The following COL24A1 variants were observed in gnomAD, a reference collection of about 807,000 sequenced individuals.
COL24A1 encodes collagen type XXIV alpha 1 chain, also known as collagen alpha-1(XXIV) chain.
A neutral mutation model predicts 253.9 loss-of-function variants in COL24A1; 224 were observed. That is an observed-to-expected ratio of 0.88 (90% CI 0.79 to 0.99). The LOEUF is 0.99. Ranked by LOEUF, COL24A1 falls within the 50% of genes least tolerant of loss-of-function variation. COL24A1 has a pLI of 0.00. For missense variants in COL24A1, 2,131 were observed against 2,068.5 expected (o/e 1.03, Z -0.59); for synonymous variants, 685 against 673.7 (o/e 1.02, Z -0.26).
At chr1:86,050,855 G>A (rs752081568) in intron 10 of COL24A1, among the ~76,000 whole-genome samples, 8 of 152,084 alleles carry the variant, frequency 5.3e-5, no homozygotes, top group Non-Finnish European at 1.2e-4. Flanking sequence ...TTATTCTAAT[G>A]TAACTTAGTT....
chr1:86,041,323 G>T (rs72958291), intron 12 of COL24A1, among the ~76,000 whole-genome samples: 14,467 of 152,076 alleles, frequency 0.095, 786 homozygotes, highest in Middle Eastern at 0.2. Context: ...ATCAGCATTC[G>T]GATAGCAGTT....
intron 47 of COL24A1, among the ~76,000 whole-genome samples, chr1:85,797,298 CA>C (rs1670936068): frequency 6.7e-6 from 1 of 150,088 alleles, no homozygotes; most frequent in African/African-American, 2.5e-5. Flanking sequence ...GGTGATTCTA[CA>C]GGACTCTTTG....
Position 85,818,905 on chromosome 1 carries a change from A to C in COL24A1, c.3790-818T>G, listed in dbSNP as rs557223240. ...GTTAAATCATTCAATTTTGAAGACA[A>C]ATTGTGCTAAAGATTCAGTTTAATA... On this transcript the variant is annotated intron_variant, in intron 45 of 59. Transcript: ENST00000370571. Among the ~76,000 whole-genome samples, 5 of 152,336 alleles carry C rather than the reference A, an allele frequency of 3.3e-5. No individual in the cohort carries two copies. The South Asian group carries it at 1.0e-3, about 32-fold the overall frequency.
At chr1:86,082,899 G>C (rs7524435) in intron 7 of COL24A1, among the ~76,000 whole-genome samples, 1 of 151,238 alleles carries the variant, frequency 6.6e-6, no homozygotes, top group Non-Finnish European at 1.5e-5. Flanking sequence ...AATGCTCCCA[G>C]TGAGCATTTC....
intron 19 of COL24A1, among the ~76,000 whole-genome samples, chr1:85,989,147 A>C (rs1331438039): frequency 6.6e-6 from 1 of 151,988 alleles, no homozygotes; most frequent in Non-Finnish European, 1.5e-5. Context: ...TGTGGACTTG[A>C]ATCAAGACAC....
intron 57 of COL24A1, among the ~76,000 whole-genome samples, chr1:85,739,300 T>C (rs1664366127): frequency 6.6e-6 from 1 of 152,220 alleles, no homozygotes; most frequent in South Asian, 2.1e-4. Flanking sequence ...TTTATTTTTA[T>C]ATGGGGTGAA....
chr1:86,113,286 C>T (rs955708451), intron 4 of COL24A1, among the ~76,000 whole-genome samples: 1 of 152,154 alleles, frequency 6.6e-6, no homozygotes, highest in African/African-American at 2.4e-5. Flanking sequence ...TAAGCGCATA[C>T]AACCAGTAAG....
intron 7 of COL24A1, among the ~76,000 whole-genome samples, chr1:86,075,418 A>T (rs909258673): frequency 6.6e-6 from 1 of 152,176 alleles, no homozygotes; most frequent in Non-Finnish European, 1.5e-5. Flanking sequence ...CCAACTAAAA[A>T]AAAGCCCAGG....
chr1:86,005,087 GGACAGTGAAAGAGT>G (rs145767532), intron 19 of COL24A1, among the ~76,000 whole-genome samples: 3,090 of 152,278 alleles, frequency 0.02, 40 homozygotes, highest in Middle Eastern at 0.068. Context: ...AATGTAAAAT[GGACAGTGAAAGAGT>G]GAGAAAAGTA....
chr1:85,848,391 C>T (rs960315197), intron 38 of COL24A1, among the ~76,000 whole-genome samples: 2 of 152,094 alleles, frequency 1.3e-5, no homozygotes, highest in Non-Finnish European at 2.9e-5. Context: ...TTCACTGCAA[C>T]CTCTGCCTCC....
chr1:85,747,495 C>A (rs1471014804), intron 55 of COL24A1, among the ~76,000 whole-genome samples: 1 of 151,946 alleles, frequency 6.6e-6, no homozygotes, highest in African/African-American at 2.4e-5. Context: ...TTTCAACAAA[C>A]CCATTATATG....
intron 39 of COL24A1, among the ~76,000 whole-genome samples, chr1:85,843,844 C>G (rs1250529344): frequency 1.3e-5 from 2 of 151,924 alleles, no homozygotes; most frequent in African/African-American, 4.8e-5. Context: ...TCAAGTGACT[C>G]TAGAGCCAAC....
chr1:85,776,136 T>C (rs140914635), intron 52 of COL24A1, among the ~76,000 whole-genome samples: 357 of 152,302 alleles, frequency 2.3e-3, no homozygotes, highest in African/African-American at 7.0e-3. Flanking sequence ...TAATATGTTG[T>C]ATATGTTTCC....
At chr1:85,967,625 T>A (rs1223699425) in intron 22 of COL24A1, among the ~76,000 whole-genome samples, 2 of 152,002 alleles carry the variant, frequency 1.3e-5, no homozygotes, top group Non-Finnish European at 2.9e-5. Flanking sequence ...GAGGATAAGA[T>A]CACTGGGGGA....
chr1:86,102,810 A>T (rs753745850), intron 5 of COL24A1, among the ~76,000 whole-genome samples: 1 of 152,160 alleles, frequency 6.6e-6, no homozygotes, highest in Non-Finnish European at 1.5e-5. Context: ...TGTGTGGTCA[A>T]TGTTAGAGTA....
intron 24 of COL24A1, among the ~76,000 whole-genome samples, chr1:85,945,454 G>C (rs1689246146): frequency 6.6e-6 from 1 of 151,494 alleles, no homozygotes; most frequent in Non-Finnish European, 1.5e-5. Flanking sequence ...GTTAAACCTT[G>C]AGTGTGGTTT....
At chr1:85,928,731 C>T (rs1271645785) in intron 24 of COL24A1, among the ~76,000 whole-genome samples, 1 of 63,502 alleles carries the variant, frequency 1.6e-5, no homozygotes, top group Admixed American at 1.9e-4. Flanking sequence ...AATAGCGGAT[C>T]TCTTGGCAGA....
intron 45 of COL24A1, among the ~76,000 whole-genome samples, chr1:85,818,552 T>G (rs915125057): frequency 1.3e-5 from 2 of 152,206 alleles, no homozygotes; most frequent in African/African-American, 4.8e-5. Context: ...TAGCCTAAAA[T>G]GTGCTTTTCT....
rs573134941 is a variant in COL24A1 at position 85,872,786 on chromosome 1, T to C, written c.3138+1863A>G. Among the ~76,000 whole-genome samples the C allele has an allele frequency of 2.7e-3, 408 of 152,298 alleles. 1 individual carries two copies. The highest frequency in any genetic ancestry group is 8.3e-3 in the African/African-American group (343 of 41,558). On this transcript the variant is annotated intron_variant, in intron 35 of 59. Coordinates refer to ENST00000370571, the MANE Select transcript of COL24A1 (RefSeq NM_152890.7). Reference sequence around the variant, plus strand: ...TCAGGACATAGGCATGGGCAAGGACTTCATGTCTAAAACACAAAAAGCAAT... The same window carrying C: ...TCAGGACATAGGCATGGGCAAGGACCTCATGTCTAAAACACAAAAAGCAAT...
Sources: gnomAD v4.1 joint callset for allele counts (sites outside exome capture counted in the v4.1 genomes callset) on GRCh38, gnomAD v4.1.1 for gene constraint, MANE v1.5 for transcripts, NCBI Gene and HGNC (gene_info 2026-07-23, HGNC 2026-07-21) for gene names.